Variants in CTNNA2 observed in about 807,000 individuals in gnomAD.
The protein encoded by CTNNA2 is catenin alpha 2.
In CTNNA2, 42 loss-of-function variants were observed where a neutral mutation model predicts 101.0. The observed-to-expected ratio is 0.42, with a 90% CI of 0.32 to 0.54. CTNNA2 has a LOEUF of 0.54. Among genes scored for constraint, CTNNA2 ranks in the 20% least tolerant of loss-of-function variants. CTNNA2 has a pLI of 0.14. For synonymous variants in CTNNA2, 450 were observed against 456.4 expected (o/e 0.99, Z 0.18); for missense variants, 871 against 1,223.1 (o/e 0.71, Z 4.29).
chr2:79,515,708 T>C (rs1671770079), intron 1 of CTNNA2, among the ~76,000 whole-genome samples: 1 of 152,206 alleles, frequency 6.6e-6, no homozygotes. Flanking sequence ...AACTAGTGTC[T>C]TTGAAAAGCA....
At chr2:80,470,068 G>A (rs1404230695) in intron 9 of CTNNA2, among the ~76,000 whole-genome samples, 1 of 152,160 alleles carries the variant, frequency 6.6e-6, no homozygotes, top group East Asian at 1.9e-4. Flanking sequence ...CCGTGCGGGG[G>A]AGAGAAGCAT....
intron 2 of CTNNA2, among the ~76,000 whole-genome samples, chr2:79,287,745 G>C (rs1259232259): frequency 6.6e-6 from 1 of 152,192 alleles, no homozygotes; most frequent in Non-Finnish European, 1.5e-5. Context: ...ACAGAGGCAA[G>C]CAGGCCTCCT....
chr2:80,342,075 G>A (rs1366882299), intron 7 of CTNNA2, among the ~76,000 whole-genome samples: 1 of 152,188 alleles, frequency 6.6e-6, no homozygotes, highest in Non-Finnish European at 1.5e-5. Flanking sequence ...TCTAGAGACA[G>A]AAAGTAGATT....
chr2:79,458,966 A>G (rs1055797417), intron 4 of CTNNA2, among the ~76,000 whole-genome samples: 3 of 151,782 alleles, frequency 2.0e-5, no homozygotes, highest in African/African-American at 4.8e-5. Flanking sequence ...CTATCCTGAC[A>G]CTCCAATTCT....
At chr2:79,637,755 C>T (rs1680175869) in intron 1 of CTNNA2, among the ~76,000 whole-genome samples, 1 of 152,140 alleles carries the variant, frequency 6.6e-6, no homozygotes, top group Non-Finnish European at 1.5e-5. Flanking sequence ...AGACTTACCA[C>T]CCGTGAAATA....
chr2:80,262,208 T>A (rs1191293985), intron 7 of CTNNA2, among the ~76,000 whole-genome samples: 3 of 152,110 alleles, frequency 2.0e-5, no homozygotes, highest in Non-Finnish European at 4.4e-5. Flanking sequence ...AGATTCTACA[T>A]CTATATAGCT....
chr2:80,268,971 G>A (rs188988873), intron 7 of CTNNA2, among the ~76,000 whole-genome samples: 1 of 152,262 alleles, frequency 6.6e-6, no homozygotes, highest in African/African-American at 2.4e-5. Context: ...CAAAGTTCAT[G>A]CAAGTGAGAA....
chr2:80,555,337 G>A (rs1419955365), intron 11 of CTNNA2, among the ~76,000 whole-genome samples: 2 of 152,044 alleles, frequency 1.3e-5, no homozygotes, highest in Admixed American at 6.5e-5. Context: ...AACAAAGGAA[G>A]GGATATTCTT....
At chr2:80,315,892 G>C (rs1027271540) in intron 7 of CTNNA2, among the ~76,000 whole-genome samples, 1 of 152,190 alleles carries the variant, frequency 6.6e-6, no homozygotes, top group Non-Finnish European at 1.5e-5. Context: ...AGGACCAGCA[G>C]TGCAGGTATC....
intron 7 of CTNNA2, among the ~76,000 whole-genome samples, chr2:80,138,352 G>A (rs1388746598): frequency 6.6e-6 from 1 of 152,080 alleles, no homozygotes; most frequent in African/African-American, 2.4e-5. Context: ...GTTGATCTTA[G>A]GCTAGTTACA....
intron 3 of CTNNA2, among the ~76,000 whole-genome samples, chr2:79,344,059 T>C (rs1286915569): frequency 6.6e-6 from 1 of 152,160 alleles, no homozygotes; most frequent in Non-Finnish European, 1.5e-5. Flanking sequence ...TGCTCTCTTG[T>C]AGGTTGCCAG....
chr2:80,599,206 A>G (rs1298393606), intron 15 of CTNNA2, among the ~76,000 whole-genome samples: 2 of 152,196 alleles, frequency 1.3e-5, no homozygotes, highest in Non-Finnish European at 2.9e-5. Flanking sequence ...CCTCAGCCAC[A>G]CTAGCCATAT....
intron 4 of CTNNA2, among the ~76,000 whole-genome samples, chr2:79,377,247 T>C (rs1443164008): frequency 6.6e-6 from 1 of 152,136 alleles, no homozygotes; most frequent in Non-Finnish European, 1.5e-5. Context: ...AGTGATGATA[T>C]GCTGATCTTC....
chr2:79,397,357 T>C (rs1344427432), intron 4 of CTNNA2, among the ~76,000 whole-genome samples: 1 of 152,128 alleles, frequency 6.6e-6, no homozygotes, highest in Non-Finnish European at 1.5e-5. Context: ...AATCACCTTC[T>C]CTTCATATAC....
intron 3 of CTNNA2, among the ~76,000 whole-genome samples, chr2:79,852,773 G>T (rs774360710): frequency 1.3e-5 from 2 of 151,864 alleles, no homozygotes; most frequent in African/African-American, 2.4e-5. Context: ...TGTATTTTTA[G>T]TAGAGACAGG....
intron 1 of CTNNA2, among the ~76,000 whole-genome samples, chr2:79,648,382 A>T (rs1680977033): frequency 6.6e-6 from 1 of 152,206 alleles, no homozygotes; most frequent in Admixed American, 6.5e-5. Flanking sequence ...CTAGAAGACT[A>T]TGGTTATGAT....
chr2:79,318,325 G>T (rs1284096759), intron 3 of CTNNA2, among the ~76,000 whole-genome samples: 1 of 151,674 alleles, frequency 6.6e-6, no homozygotes, highest in Admixed American at 6.6e-5. Flanking sequence ...CAGTCACAAA[G>T]GTGAAAACAG....
chr2:79,451,543 A>G (rs1210935409), intron 4 of CTNNA2, among the ~76,000 whole-genome samples: 1 of 151,966 alleles, frequency 6.6e-6, no homozygotes, highest in Non-Finnish European at 1.5e-5. Flanking sequence ...ATCTCACTGT[A>G]CAGATGAAGA....
intron 7 of CTNNA2, among the ~76,000 whole-genome samples, chr2:80,235,026 T>A (rs1040262123): frequency 6.6e-6 from 1 of 152,174 alleles, no homozygotes; most frequent in Non-Finnish European, 1.5e-5. Context: ...TTGCACTACA[T>A]TCGTTGATAT....
Sources: gnomAD v4.1 joint callset for allele counts (sites outside exome capture counted in the v4.1 genomes callset) on GRCh38, gnomAD v4.1.1 for gene constraint, MANE v1.5 for transcripts, NCBI Gene and HGNC (gene_info 2026-07-23, HGNC 2026-07-21) for gene names.